The following UCK2 variants were observed in gnomAD, a reference collection of about 807,000 sequenced individuals.
The protein encoded by UCK2 is uridine-cytidine kinase 2.
In UCK2, 6 loss-of-function variants were observed where a neutral mutation model predicts 30.8. The ratio of observed to expected loss-of-function variants is 0.19; its 90% confidence interval spans 0.11 to 0.38. The LOEUF is 0.38. Ranked by LOEUF, UCK2 falls within the 10% of genes least tolerant of loss-of-function variation. The pLI, the probability that UCK2 is intolerant of heterozygous loss-of-function variation, is 1.00. For synonymous variants in UCK2, 125 were observed against 133.6 expected, an observed-to-expected ratio of 0.94 and a Z score of 0.45; for missense variants, 210 against 339.8, an observed-to-expected ratio of 0.62 and a Z score of 3.00.
chr1:165,893,445 G>A (rs1655817991), intron 3 of UCK2, among the ~76,000 whole-genome samples: 1 of 152,130 alleles, frequency 6.6e-6, no homozygotes, highest in Admixed American at 6.5e-5. Context: ...AATCTTAAGG[G>A]CCACTTAATT....
intron 1 of UCK2, among the ~76,000 whole-genome samples, chr1:165,863,487 T>A (rs556494342): frequency 1.3e-5 from 2 of 152,266 alleles, no homozygotes; most frequent in Non-Finnish European, 2.9e-5. Context: ...GAAGCTATGC[T>A]GGGAACCTAA....
chr1:165,885,941 C>G (rs1225823965), intron 1 of UCK2, among the ~76,000 whole-genome samples: 1 of 152,194 alleles, frequency 6.6e-6, no homozygotes, highest in Non-Finnish European at 1.5e-5. Flanking sequence ...TCGTAACCGT[C>G]TTTAAGTGTA....
intron 1 of UCK2, among the ~76,000 whole-genome samples, chr1:165,837,333 T>C: frequency 6.6e-6 from 1 of 152,230 alleles, no homozygotes. Context: ...CTGTAATTGT[T>C]ACCACTGGTC....
intron 1 of UCK2, among the ~76,000 whole-genome samples, chr1:165,852,141 T>G (rs1654611982): frequency 6.6e-6 from 1 of 152,206 alleles, no homozygotes; most frequent in African/African-American, 2.4e-5. Context: ...TGGTTCAGCA[T>G]CCTTGAGGAA....
chr1:165,875,032 A>T (rs1655299504), intron 1 of UCK2, among the ~76,000 whole-genome samples: 1 of 131,444 alleles, frequency 7.6e-6, no homozygotes, highest in Non-Finnish European at 1.7e-5. Flanking sequence ...TTTTCAACTG[A>T]GTTACCAAAA....
rs553920393 is a variant in UCK2 at position 165,847,317 on chromosome 1, G to A, written c.99+19385G>A. Among the ~76,000 whole-genome samples the A allele has an allele frequency of 3.9e-5, 6 of 152,070 alleles. No homozygotes were observed. In the South Asian group the frequency reaches 1.2e-3, roughly 32 times the overall value. ...TAAAACAATAAATAATTCAGAAAAG[G>A]CAATTGAAATGTTTTCTGGTATATG... On this transcript the variant is annotated intron_variant, in intron 1 of 6. Coordinates refer to ENST00000367879, the MANE Select transcript of UCK2 (RefSeq NM_012474.5).
chr1:165,904,349 T>C (rs1450417635), intron 5 of UCK2, among the ~76,000 whole-genome samples: 2 of 152,324 alleles, frequency 1.3e-5, no homozygotes, highest in South Asian at 2.1e-4. Context: ...CTGAGTAACA[T>C]TGATGCCCTA....
At position 165,886,001 on chromosome 1, in the gene UCK2, G is replaced by A. The variant is rs375538212; in HGVS notation, c.100-4203G>A. Among the ~76,000 whole-genome samples, 29 of 152,234 alleles carry A rather than the reference G, an allele frequency of 1.9e-4. 1 individual carries two copies. The East Asian group carries it at 4.6e-3, about 24-fold the overall frequency. Reference sequence around the variant, plus strand: ...CACATTATTGGATGACCAAATTCCAGAACCCTTTCATTATATAAAATCCAT... The same window carrying A: ...CACATTATTGGATGACCAAATTCCAAAACCCTTTCATTATATAAAATCCAT... On this transcript the variant is annotated intron_variant, in intron 1 of 6. Coordinates refer to ENST00000367879, the MANE Select transcript of UCK2 (RefSeq NM_012474.5).
chr1:165,849,608 A>G (rs1654541050), intron 1 of UCK2, among the ~76,000 whole-genome samples: 1 of 152,240 alleles, frequency 6.6e-6, no homozygotes, highest in African/African-American at 2.4e-5. Flanking sequence ...ACACAATGCC[A>G]GCTTCCAGCC....
intron 1 of UCK2, among the ~76,000 whole-genome samples, chr1:165,879,118 A>G (rs1655410399): frequency 6.6e-6 from 1 of 152,160 alleles, no homozygotes; most frequent in Non-Finnish European, 1.5e-5. Context: ...TTCTTTGGTG[A>G]AGTGTCTGTT....
At chr1:165,834,090 T>TTAAAATTAAAAA (rs1369060398) in intron 1 of UCK2, among the ~76,000 whole-genome samples, 5 of 152,196 alleles carry the variant, frequency 3.3e-5, no homozygotes, top group Non-Finnish European at 7.4e-5. Context: ...TTAAAAATCT[T>TTAAAATTAAAAA]GTTTAATACT....
At chr1:165,871,667 A>G (rs1474166156) in intron 1 of UCK2, among the ~76,000 whole-genome samples, 1 of 152,214 alleles carries the variant, frequency 6.6e-6, no homozygotes, top group Admixed American at 6.5e-5. Flanking sequence ...AGGCAAAGAA[A>G]GGACAAGTGA....
chr1:165,893,780 C>G (rs2101883322), intron 3 of UCK2, among the ~76,000 whole-genome samples: 1 of 152,306 alleles, frequency 6.6e-6, no homozygotes. Context: ...GCTGTTATGA[C>G]AGTTTTTAGA....
chr1:165,891,559 A>C, intron 3 of UCK2: 3 of 453,980 alleles, frequency 6.6e-6, no homozygotes, highest in Non-Finnish European at 1.2e-5. Flanking sequence ...CGATTCCTTA[A>C]CTCTGAAGGA....
At chr1:165,891,101 G>A (rs1571295215) in intron 2 of UCK2, 125 bp from the exon 3 acceptor site, 2 of 815,254 alleles carry the variant, frequency 2.5e-6, no homozygotes, top group East Asian at 5.4e-5. Flanking sequence ...GCTTTTTAGG[G>A]AGCAGTATGA....
At chr1:165,888,801 G>C (rs140932645) in intron 1 of UCK2, among the ~76,000 whole-genome samples, 1 of 151,946 alleles carries the variant, frequency 6.6e-6, no homozygotes, top group Admixed American at 6.6e-5. Context: ...AGTTTCATTA[G>C]AAGACTTGGG....
chr1:165,855,584 T>A (rs1654724674), intron 1 of UCK2, among the ~76,000 whole-genome samples: 1 of 151,418 alleles, frequency 6.6e-6, no homozygotes, highest in Non-Finnish European at 1.5e-5. Context: ...CTCAGCCAGC[T>A]GAGTTGGACA....
intron 1 of UCK2, among the ~76,000 whole-genome samples, chr1:165,863,306 T>C (rs147676827): frequency 1.1e-3 from 167 of 152,344 alleles, no homozygotes; most frequent in Admixed American, 3.4e-3. Context: ...TTGTTGTGAA[T>C]GGCGTGAGGA....
At position 165,831,978 on chromosome 1, in the gene UCK2, G is replaced by A. The variant is rs567147962; in HGVS notation, c.99+4046G>A. The stretch of plus-strand genomic sequence containing the variant: ...AGGTGGGGGTTTCACCATGTTGGCC[G>A]GGCTGGTCTCGAACTCCTGACCTCA... On this transcript the variant is annotated intron_variant, in intron 1 of 6. Transcript: ENST00000367879. 7.2e-5 allele frequency among the ~76,000 whole-genome samples: 11 copies of A among 152,064 alleles called. No homozygotes were observed. The South Asian group carries it at 1.5e-3, about 20-fold the overall frequency.
Sources: gnomAD v4.1 joint callset for allele counts (sites outside exome capture counted in the v4.1 genomes callset) on GRCh38, gnomAD v4.1.1 for gene constraint, MANE v1.5 for transcripts, NCBI Gene and HGNC (gene_info 2026-07-23, HGNC 2026-07-21) for gene names.